SYNRG: variants seen among roughly 807,000 people sequenced by gnomAD.
SYNRG encodes AP1 gamma subunit binding protein 1.
A neutral mutation model predicts 130.9 loss-of-function variants in SYNRG; 37 were observed. That is an observed-to-expected ratio of 0.28 (90% CI 0.22 to 0.37). SYNRG has a LOEUF of 0.37. Among genes scored for constraint, SYNRG ranks in the 10% least tolerant of loss-of-function variants. The pLI, the probability that SYNRG is intolerant of heterozygous loss-of-function variation, is 1.00. For missense variants in SYNRG, 1,338 were observed against 1,588.9 expected (o/e 0.84, Z 2.68); for synonymous variants, 539 against 568.1 (o/e 0.95, Z 0.73).
intron 13 of SYNRG, chr17:37,557,179 A>G (rs2059181751): frequency 6.6e-6 from 1 of 152,220 alleles, no homozygotes; most frequent in Non-Finnish European, 1.5e-5. Flanking sequence ...GACTCCAAAA[A>G]ATCTCAAAAG....
At chr17:37,565,428 C>T (rs532448406) in intron 11 of SYNRG, among the ~76,000 whole-genome samples, 24 of 152,238 alleles carry the variant, frequency 1.6e-4, no homozygotes, top group African/African-American at 5.8e-4. Context: ...CCTTGGCCTC[C>T]CAAAGTGCCG....
At position 37,603,682 on chromosome 17, in the gene SYNRG, C is replaced by A. The variant is rs531783669; in HGVS notation, c.78-3279G>T. Reference sequence around the variant, plus strand: ...CTTTTTTCTGAGAAGTAGGTCTCAACAATGGGCTTAAAATACTCAGTAAAC... The same window carrying A: ...CTTTTTTCTGAGAAGTAGGTCTCAAAAATGGGCTTAAAATACTCAGTAAAC... On this transcript the variant is annotated intron_variant, in intron 1 of 21. Coordinates refer to ENST00000612223, the MANE Select transcript of SYNRG (RefSeq NM_007247.6). Among the ~76,000 whole-genome samples the A allele has an allele frequency of 3.9e-5, 6 of 152,302 alleles. No homozygotes were observed. The South Asian group carries it at 1.2e-3, about 32-fold the overall frequency.
chr17:37,527,617 A>T (rs2056099083), intron 19 of SYNRG, among the ~76,000 whole-genome samples: 2 of 152,222 alleles, frequency 1.3e-5, no homozygotes, highest in Non-Finnish European at 2.9e-5. Flanking sequence ...TGATACAAAT[A>T]AAAAAATCCA....
chr17:37,571,835 T>C lies in SYNRG; in HGVS notation c.1054A>G (p.Lys352Glu), dbSNP rs146519725. ...GCTAGAACGGTATAAAGTTCTTCTT[T>C]TGTAAGTTTGCCAGGTGTAGTTCGA... ...ANRTTPGKLT[K>E]EELYTVLAMI... Residue 352 changes from lysine to glutamate, a missense_variant, in exon 9 of 22, where the codon AAA becomes GAA. This residue lies in a region of SYNRG where 1,146 missense variants were observed against 1,342.3 expected (regional missense o/e 0.85). Transcript: ENST00000612223. The C allele has an allele frequency of 3.7e-6, 6 of 1,614,054 alleles. No homozygotes were observed. The highest frequency in any genetic ancestry group is 1.3e-5 in the African/African-American group (1 of 74,920).
At position 37,515,073 on chromosome 17, in the gene SYNRG, C is replaced by T. The variant is rs1017030614; in HGVS notation, c.*3867G>A. The T allele has an allele frequency of 1.4e-4, 22 of 152,122 alleles. No individual in the cohort carries two copies. The highest frequency in any genetic ancestry group is 5.3e-4 in the African/African-American group (22 of 41,404). The allele number at this position is 152,122 out of a possible 1,614,324, so 9.4% of individuals were successfully genotyped here. A position where few individuals can be genotyped will look rare whatever the true frequency, so the allele number is the denominator to read the frequency against. On this transcript the variant is annotated 3_prime_UTR_variant, in exon 22 of 22. Coordinates refer to ENST00000612223, the MANE Select transcript of SYNRG (RefSeq NM_007247.6). ...ACAGCTACAAAGTAATGAGATGTCC[C>T]ACATGAATACTTTTTAACCACTTAC...
chr17:37,542,174 C>G lies in SYNRG; in HGVS notation c.3000G>C (p.Gln1000His). 1 of 1,614,222 alleles carries G rather than the reference C, an allele frequency of 6.2e-7. No individual in the cohort carries two copies. The highest frequency in any genetic ancestry group is 8.5e-7 in the Non-Finnish European group (1 of 1,180,048). Residue 1000 changes from glutamine to histidine, a missense_variant, in exon 15 of 22, where the codon CAG becomes CAC. Transcript: ENST00000612223. Reference sequence around the variant, plus strand: ...ACGCTGGGCTGGGACACGTGGCCTCCTGGCTCCGTTCAGCCGTAGGCAGGT... The same window carrying G: ...ACGCTGGGCTGGGACACGTGGCCTCGTGGCTCCGTTCAGCCGTAGGCAGGT... Reference protein sequence around the residue: ...KQDLPTAERSQEATCPSPASS... With the variant: ...KQDLPTAERSHEATCPSPASS...
chr17:37,593,811 G>C (rs1191638220), intron 3 of SYNRG, among the ~76,000 whole-genome samples: 1 of 151,442 alleles, frequency 6.6e-6, no homozygotes, highest in African/African-American at 2.4e-5. Flanking sequence ...TTGAACCTGG[G>C]AGGCGGAGGT....
At position 37,536,095 on chromosome 17, in the gene SYNRG, C is replaced by A; in HGVS notation, c.3550G>T (p.Val1184Leu). Residue 1184 changes from valine (V) to leucine (L), a missense_variant, in exon 19 of 22, where the codon GTG becomes TTG. This residue lies in a region of SYNRG where 1,146 missense variants were observed against 1,342.3 expected (regional missense o/e 0.85). Transcript: ENST00000612223. Reference protein sequence around the residue: ...VVEVYRVTKRVELGIKATAVC... With the variant: ...VVEVYRVTKRLELGIKATAVC... Reference sequence around the variant, plus strand: ...GCAGTGGCTTTTATCCCCAGCTCCACACGCTTGGTTACCCTGTACACTTCA... The same window carrying A: ...GCAGTGGCTTTTATCCCCAGCTCCAAACGCTTGGTTACCCTGTACACTTCA... 1 of 1,614,012 alleles carries A rather than the reference C, an allele frequency of 6.2e-7. No homozygotes were observed. Among genetic ancestry groups the A allele is most frequent in the Non-Finnish European group, 8.5e-7 (1 of 1,179,986 alleles).
rs779500128 is a variant in SYNRG at position 37,553,205 on chromosome 17, A to G, written c.2518T>C (p.Leu840=). Residue 840 remains leucine, a synonymous_variant, in exon 14 of 22, where the codon TTG becomes CTG. Transcript: ENST00000612223. ...DALSVQFDMK[L]ADVGGDLKHV... ...TTAAGATCTCCTCCCACATCAGCCA[A>G]TTTCATGTCAAACTGAACAGAGAGT... 1.2e-6 allele frequency: 2 copies of G among 1,613,962 alleles called. No individual in the cohort carries two copies. Among genetic ancestry groups the G allele is most frequent in the African/African-American group, 2.7e-5 (2 of 74,896 alleles).
At chr17:37,571,683 T>C in intron 9 of SYNRG, 108 bp downstream of exon 9, 1 of 987,434 alleles carries the variant, frequency 1.0e-6, no homozygotes, top group Non-Finnish European at 1.5e-6. Context: ...CTGAAAATGA[T>C]CTAAATTTTA....
chr17:37,541,785 G>A, intron 15 of SYNRG, 187 bp downstream of exon 15: 2 of 635,420 alleles, frequency 3.1e-6, no homozygotes, highest in South Asian at 2.1e-5. Context: ...AGTTATCTGA[G>A]GGATGCTGAT....
At chr17:37,562,749 T>C (rs1419098513) in intron 11 of SYNRG, among the ~76,000 whole-genome samples, 4 of 152,232 alleles carry the variant, frequency 2.6e-5, no homozygotes, top group Non-Finnish European at 1.5e-5. Context: ...CACCTATACA[T>C]TGTAAGTGGA....
rs567242270 is a variant in SYNRG, at chr17:37,586,102, C to T, written c.371+317G>A. ...TCAACCTCGGGGCCCAGGTGATCCT[C>T]CCACCTCAGCCTCCTGAGCAGCTGG... On this transcript the variant is annotated intron_variant, in intron 4 of 21. Transcript: ENST00000612223. Among the ~76,000 whole-genome samples the T allele has an allele frequency of 5.9e-5, 9 of 152,266 alleles. No homozygotes were observed. The East Asian group carries it at 1.7e-3, about 29-fold the overall frequency.
At chr17:37,584,290 A>G (rs1475750454) in intron 6 of SYNRG, 1 of 172,966 alleles carries the variant, frequency 5.8e-6, no homozygotes, top group Non-Finnish European at 1.2e-5. Flanking sequence ...AATCAGAGCT[A>G]GTTCATAAAA....
At chr17:37,549,683 C>T (rs2058568188) in intron 14 of SYNRG, among the ~76,000 whole-genome samples, 1 of 152,166 alleles carries the variant, frequency 6.6e-6, no homozygotes, top group Admixed American at 6.5e-5. Flanking sequence ...CTCTACCTCC[C>T]AGGATCAACT....
At chr17:37,590,630 T>C (rs2062089402) in intron 3 of SYNRG, among the ~76,000 whole-genome samples, 1 of 151,998 alleles carries the variant, frequency 6.6e-6, no homozygotes, top group Non-Finnish European at 1.5e-5. Flanking sequence ...AATACAAGTA[T>C]AAAAATATGG....
intron 11 of SYNRG, among the ~76,000 whole-genome samples, chr17:37,566,260 A>G (rs1221824654): frequency 6.6e-6 from 1 of 151,144 alleles, no homozygotes; most frequent in African/African-American, 2.4e-5. Flanking sequence ...AGAAGTAGAC[A>G]TGGGAGACTT....
At chr17:37,568,586 C>T (rs1030122071) in intron 11 of SYNRG, 3 of 493,118 alleles carry the variant, frequency 6.1e-6, no homozygotes, top group African/African-American at 1.9e-5. Context: ...TGTGTACTTA[C>T]AGGAAACAGT....
intron 18 of SYNRG, chr17:37,537,524 G>T: frequency 6.6e-6 from 1 of 152,466 alleles, no homozygotes; most frequent in Non-Finnish European, 1.5e-5. Context: ...CAGCTACTTG[G>T]GAGGCTGAGG....
Sources: gnomAD v4.1 joint callset for allele counts (sites outside exome capture counted in the v4.1 genomes callset) on GRCh38, gnomAD v4.1.1 for gene constraint, gnomAD v4.1.1 regional missense constraint, MANE v1.5 for transcripts, NCBI Gene and HGNC (gene_info 2026-07-23, HGNC 2026-07-21) for gene names.